The following FAM120C variants were observed in gnomAD, a reference collection of about 807,000 sequenced individuals.
FAM120C encodes the protein constitutive coactivator of PPAR-gamma-like protein 2.
A neutral mutation model predicts 71.2 loss-of-function variants in FAM120C; 14 were observed. The observed-to-expected ratio is 0.20, with a 90% CI of 0.13 to 0.31. FAM120C has a LOEUF of 0.31. Among genes scored for constraint, FAM120C ranks in the 10% least tolerant of loss-of-function variants. FAM120C has a pLI of 1.00. For synonymous variants in FAM120C, 354 were observed against 353.2 expected, an observed-to-expected ratio of 1.00 and a Z score of -0.03; for missense variants, 500 against 879.0, an observed-to-expected ratio of 0.57 and a Z score of 5.45.
intron 15 of FAM120C, among the ~76,000 whole-genome samples, chrX:54,075,032 C>T (rs1557120458): frequency 9.0e-6 from 1 of 111,381 alleles, no homozygotes; most frequent in East Asian, 2.8e-4. Context: ...GTGGCATGCA[C>T]CTGTAGTCCA....
chrX:54,128,377 C>T (rs2067039613), intron 9 of FAM120C, among the ~76,000 whole-genome samples: 2 of 112,566 alleles, frequency 1.8e-5, no homozygotes, highest in East Asian at 5.5e-4. Context: ...TTTTAATATG[C>T]ATTTCTCTGA....
At chrX:54,131,239 T>G (rs370035517) in intron 9 of FAM120C, among the ~76,000 whole-genome samples, 1 of 111,406 alleles carries the variant, frequency 9.0e-6, no homozygotes, top group African/African-American at 3.3e-5. Flanking sequence ...GACTGTTAGA[T>G]ACACCTCTAT....
chrX:54,127,187 G>A (rs1352307466), intron 9 of FAM120C, among the ~76,000 whole-genome samples: 3 of 111,186 alleles, frequency 2.7e-5, no homozygotes, highest in East Asian at 5.6e-4. Flanking sequence ...CACATTGGGG[G>A]TTAGGATTTC....
chrX:54,162,102 C>T (rs1557134507), intron 1 of FAM120C, among the ~76,000 whole-genome samples: 3 of 112,304 alleles, frequency 2.7e-5, no homozygotes, highest in Non-Finnish European at 1.9e-5. Context: ...TAATTGCAGC[C>T]GAACCAAGAT....
intron 10 of FAM120C, among the ~76,000 whole-genome samples, chrX:54,103,650 T>A (rs974857581): frequency 2.7e-5 from 3 of 111,774 alleles, no homozygotes; most frequent in African/African-American, 9.7e-5. Flanking sequence ...TCTTATTCAT[T>A]ATTATCTGCT....
chrX:54,174,173 A>G (rs1337872706), intron 1 of FAM120C: 6 of 511,447 alleles, frequency 1.2e-5, no homozygotes, highest in Non-Finnish European at 2.1e-5. Flanking sequence ...AAGCAAGAAG[A>G]GCCAGAGAGA....
At chrX:54,180,677 T>C (rs952401820) in intron 1 of FAM120C, among the ~76,000 whole-genome samples, 2 of 111,934 alleles carry the variant, frequency 1.8e-5, no homozygotes, top group Non-Finnish European at 3.8e-5. Context: ...GAAGACCACA[T>C]AGGCACAAAT....
At chrX:54,110,154 T>C (rs950630263) in intron 10 of FAM120C, among the ~76,000 whole-genome samples, 2 of 106,161 alleles carry the variant, frequency 1.9e-5, no homozygotes, top group Admixed American at 1.0e-4. Context: ...GTAGCTGGGA[T>C]TACAGCCGTA....
chrX:54,086,733 C>T (rs1211960261), intron 12 of FAM120C, among the ~76,000 whole-genome samples: 27 of 76,469 alleles, frequency 3.5e-4, no homozygotes, highest in Admixed American at 6.3e-4. Flanking sequence ...CCAGCCTGGG[C>T]GACAGAGCAA....
At chrX:54,105,958 A>C (rs2146581038) in intron 10 of FAM120C, among the ~76,000 whole-genome samples, 1 of 112,189 alleles carries the variant, frequency 8.9e-6, no homozygotes, top group East Asian at 2.8e-4. Flanking sequence ...AGGAAGAATC[A>C]ATGTCGTGAA....
Position 54,183,031 on chromosome X carries a change from G to A in FAM120C, c.168C>T (p.Ala56=), listed in dbSNP as rs1557137819. ...TAALAPGAPR[A]ARGSVPLQPP... is the part of the protein sequence containing the mutation. ...GTTGCAGAGGCACGGAGCCCCTGGC[G>A]GCGCGTGGAGCCCCGGGCGCTAGGG... The change falls in exon 1 of 16, where the codon GCC becomes GCT. Residue 56 remains alanine (A), a synonymous_variant. Transcript: ENST00000375180. The A allele has an allele frequency of 1.7e-6, 2 of 1,156,239 alleles. No individual in the cohort carries two copies. The highest frequency in any genetic ancestry group is 2.3e-6 in the Non-Finnish European group (2 of 871,076).
chrX:54,183,227 G>T lies in FAM120C; in HGVS notation c.-29C>A, dbSNP rs2067366545. The stretch of plus-strand genomic sequence containing the variant: ...TCGTCGGTGGGCAGACGCGATAGCG[G>T]CTGCGCAAGCAGGATAGGCGACGAT... On this transcript the variant is annotated 5_prime_UTR_variant, in exon 1 of 16. Coordinates refer to ENST00000375180, the MANE Select transcript of FAM120C (RefSeq NM_017848.6). 3 of 1,040,187 alleles carry T rather than the reference G, an allele frequency of 2.9e-6. No homozygotes were observed. The highest frequency in any genetic ancestry group is 2.6e-5 in the South Asian group (1 of 38,626). The allele number at this position is 1,040,187 out of a possible 1,213,427, so 85.7% of individuals were successfully genotyped here.
chrX:54,160,001 GT>G (rs1167341165), intron 1 of FAM120C, among the ~76,000 whole-genome samples: 1 of 107,157 alleles, frequency 9.3e-6, no homozygotes, highest in Non-Finnish European at 1.9e-5. Flanking sequence ...TATTCCCCTG[GT>G]TTTTTTTTCA....
intron 1 of FAM120C, among the ~76,000 whole-genome samples, chrX:54,178,289 T>C (rs1381382385): frequency 1.8e-5 from 2 of 112,036 alleles, no homozygotes; most frequent in East Asian, 2.8e-4. Flanking sequence ...CACATTTGCC[T>C]TGTACTGGCA....
At chrX:54,149,985 G>A (rs781893263) in intron 4 of FAM120C, among the ~76,000 whole-genome samples, 90 of 112,249 alleles carry the variant, frequency 8.0e-4, no homozygotes, top group South Asian at 2.6e-3. Flanking sequence ...TAAAATCCCA[G>A]TTGAGCTCTT....
At chrX:54,077,741 C>T (rs782163878) in intron 15 of FAM120C, among the ~76,000 whole-genome samples, 12 of 110,463 alleles carry the variant, frequency 1.1e-4, no homozygotes, top group East Asian at 5.7e-4. Flanking sequence ...AATGAGCTCA[C>T]GTGTTTGTAA....
chrX:54,078,051 C>T (rs897366154), intron 15 of FAM120C, among the ~76,000 whole-genome samples: 1 of 98,044 alleles, frequency 1.0e-5, no homozygotes, highest in Non-Finnish European at 2.0e-5. Flanking sequence ...TCACGCCATT[C>T]TCCTGCCTCA....
chrX:54,177,851 A>G (rs1557136846), intron 1 of FAM120C, among the ~76,000 whole-genome samples: 1 of 111,824 alleles, frequency 8.9e-6, no homozygotes, highest in Non-Finnish European at 1.9e-5. Context: ...AAGAGAAGAA[A>G]GAACTAGAGG....
intron 1 of FAM120C, 138 bp from the exon 2 acceptor site, chrX:54,159,754 T>C (rs1275283205): frequency 8.5e-6 from 5 of 585,519 alleles, no homozygotes; most frequent in Admixed American, 4.4e-5. Flanking sequence ...TCTTTTAACA[T>C]TTTTTACTTT....
Sources: allele counts gnomAD v4.1 joint callset (sites outside exome capture counted in the v4.1 genomes callset), GRCh38; gene constraint gnomAD v4.1.1; transcripts MANE v1.5; gene names NCBI Gene and HGNC (gene_info 2026-07-23, HGNC 2026-07-21).